SYT13: variants seen among roughly 807,000 people sequenced by gnomAD.
SYT13 encodes the protein synaptotagmin 13, also known as synaptotagmin-13.
In SYT13, 21 loss-of-function variants were observed where a neutral mutation model predicts 38.6. The observed-to-expected ratio is 0.54, with a 90% CI of 0.39 to 0.78. The LOEUF is 0.78. Among genes scored for constraint, SYT13 ranks in the 30% least tolerant of loss-of-function variants. The pLI is 0.00. For synonymous variants in SYT13, 241 were observed against 237.6 expected, an observed-to-expected ratio of 1.01 and a Z score of -0.13; for missense variants, 495 against 548.7, an observed-to-expected ratio of 0.90 and a Z score of 0.98.
At chr11:45,245,921 G>A (rs1284463486) in intron 5 of SYT13, among the ~76,000 whole-genome samples, 2 of 152,208 alleles carry the variant, frequency 1.3e-5, no homozygotes, top group African/African-American at 2.4e-5. Flanking sequence ...TGCAGTGGTG[G>A]TGAGTTCAGA....
At chr11:45,268,067 C>T (rs574473067) in intron 1 of SYT13, among the ~76,000 whole-genome samples, 13 of 152,206 alleles carry the variant, frequency 8.5e-5, no homozygotes, top group Non-Finnish European at 1.5e-4. Context: ...TGCCTCCAGC[C>T]GGTACTTGAT....
intron 1 of SYT13, among the ~76,000 whole-genome samples, chr11:45,265,572 G>A (rs977751356): frequency 6.6e-6 from 1 of 152,184 alleles, no homozygotes; most frequent in Non-Finnish European, 1.5e-5. Flanking sequence ...TGGTATCTGG[G>A]GAAAGCCCAC....
intron 1 of SYT13, among the ~76,000 whole-genome samples, chr11:45,260,640 G>A (rs1488341025): frequency 6.6e-6 from 1 of 152,196 alleles, no homozygotes; most frequent in African/African-American, 2.4e-5. Flanking sequence ...ATATCTGCAG[G>A]ATGAATGAGG....
chr11:45,284,839 G>C (rs927323059), intron 1 of SYT13, among the ~76,000 whole-genome samples: 2 of 152,220 alleles, frequency 1.3e-5, no homozygotes, highest in African/African-American at 4.8e-5. Context: ...ACATTCTGCT[G>C]TGCAGCCGGC....
Position 45,244,092 on chromosome 11 carries a change from G to T in SYT13, c.1241C>A (p.Pro414His). The change falls in exon 6 of 6, where the codon CCT becomes CAT. Residue 414 changes from proline (P) to histidine (H), a missense_variant. Pro to His is a moderately conservative substitution (Grantham distance 77). Transcript: ENST00000020926. ...GTGCCACATGGCAATCTGCCGGCGA[G>T]GGTTTTTGAGCATCTCCTCCCAGTG... The part of the protein sequence containing the change: ...RSHWEEMLKN[P>H]RRQIAMWHQL... The T allele has an allele frequency of 6.2e-7, 1 of 1,610,002 alleles. No homozygotes were observed. Among genetic ancestry groups the T allele is most frequent in the Non-Finnish European group, 8.5e-7 (1 of 1,179,036 alleles).
intron 1 of SYT13, among the ~76,000 whole-genome samples, chr11:45,267,641 C>T (rs1854901510): frequency 6.6e-6 from 1 of 152,112 alleles, no homozygotes; most frequent in Admixed American, 6.5e-5. Flanking sequence ...CTCAGCTCCC[C>T]CCGGCAACAC....
chr11:45,255,431 A>T (rs6416130), intron 2 of SYT13, among the ~76,000 whole-genome samples: 118,625 of 152,104 alleles, frequency 0.78, 47,360 homozygotes, highest in Non-Finnish European at 0.87. Context: ...ACATATGACT[A>T]GAAAGGGACT....
At chr11:45,276,712 TAA>T (rs202057732) in intron 1 of SYT13, among the ~76,000 whole-genome samples, 131 of 131,404 alleles carry the variant, frequency 1.0e-3, no homozygotes, top group African/African-American at 3.3e-3. Context: ...GATGACTTTT[TAA>T]AAAAAAAAAA....
chr11:45,277,132 A>G (rs1245725031), intron 1 of SYT13, among the ~76,000 whole-genome samples: 1 of 152,228 alleles, frequency 6.6e-6, no homozygotes, highest in Non-Finnish European at 1.5e-5. Context: ...TGCTAAGTGA[A>G]AGAAGCCAGT....
rs1311574445 is a variant in SYT13 at position 45,276,712 on chromosome 11, T to TTA, written c.183+9312_183+9313insTA. Among the ~76,000 whole-genome samples the TTA allele has an allele frequency of 4.0e-4, 52 of 131,336 alleles. 1 individual carries two copies. Among genetic ancestry groups the TTA allele is most frequent in the African/African-American group, 1.4e-3 (51 of 36,964 alleles). The allele number at this position is 131,336 out of a possible 152,430, so 86.2% of individuals were successfully genotyped here. On this transcript the variant is annotated intron_variant, in intron 1 of 5. Coordinates refer to ENST00000020926, the MANE Select transcript of SYT13 (RefSeq NM_020826.3). The stretch of plus-strand genomic sequence containing the variant: ...CTTTGCACCCAGTAGGATGACTTTT[T>TTA]AAAAAAAAAAAATAAATAAAATAAA...
chr11:45,252,303 A>G lies in SYT13; in HGVS notation c.846+118T>C. On this transcript the variant is annotated intron_variant, in intron 4 of 5. Transcript: ENST00000020926. This position sits in a 1 kb window ranked among gnomAD's most constrained non-coding sequence, Gnocchi z 4.3. The stretch of plus-strand genomic sequence containing the variant: ...AGATTCCAACCTCCCTTCCAGCCCC[A>G]AGCCAGGGAGGTCTCTGAGGCTTGT... 8.0e-7 allele frequency: 1 copy of G among 1,255,116 alleles called. No individual in the cohort carries two copies. The highest frequency in any genetic ancestry group is 1.6e-5 in the South Asian group (1 of 61,944). 77.7% of individuals were successfully genotyped at this position (1,255,116 alleles called of 1,614,324 possible).
Position 45,261,962 on chromosome 11 carries a change from A to G in SYT13, c.184-6071T>C, listed in dbSNP as rs142473261. ...AATTGCTGTATGATCCAGCAATTCCACTTCTGGGTATACACTCAAAATATT... is the reference window on the plus strand; with the variant it reads ...AATTGCTGTATGATCCAGCAATTCCGCTTCTGGGTATACACTCAAAATATT... On this transcript the variant is annotated intron_variant, in intron 1 of 5. Transcript: ENST00000020926. Among the ~76,000 whole-genome samples the G allele has an allele frequency of 2.0e-5, 3 of 152,166 alleles. No individual in the cohort carries two copies. In the East Asian group the frequency reaches 5.8e-4, roughly 29 times the overall value.
Position 45,244,235 on chromosome 11 carries a change from G to T in SYT13, c.1098C>A (p.Asp366Glu). 1 of 1,614,058 alleles carries T rather than the reference G, an allele frequency of 6.2e-7. No individual in the cohort carries two copies. Among genetic ancestry groups the T allele is most frequent in the Non-Finnish European group, 8.5e-7 (1 of 1,180,054 alleles). The change falls in exon 6 of 6, where the codon GAC becomes GAA. Residue 366 changes from aspartate to glutamate, a missense_variant. By Grantham distance (45) the Asp-to-Glu change is conservative. Coordinates refer to ENST00000020926, the MANE Select transcript of SYT13 (RefSeq NM_020826.3). ...WNEMIMFELP[D>E]DLLQASSVEL... ...CCACACTGGAGGCCTGCAGCAGGTC[G>T]TCAGGCAGCTCAAACATGATCATCT...
At chr11:45,244,422 C>T in intron 5 of SYT13, 66 bp from the exon 6 acceptor site, 2 of 1,545,222 alleles carry the variant, frequency 1.3e-6, no homozygotes, top group Non-Finnish European at 1.8e-6. Context: ...TGGGATCTGG[C>T]AGGGCCCAGG....
intron 1 of SYT13, among the ~76,000 whole-genome samples, chr11:45,279,799 A>G (rs1368651933): frequency 6.6e-6 from 1 of 152,192 alleles, no homozygotes; most frequent in East Asian, 1.9e-4. Flanking sequence ...CTGAGAATCC[A>G]TGGAGGTCAG....
intron 1 of SYT13, among the ~76,000 whole-genome samples, chr11:45,257,841 G>A (rs1207284522): frequency 1.3e-5 from 2 of 151,278 alleles, no homozygotes; most frequent in South Asian, 2.1e-4. Flanking sequence ...GACTCTCGGG[G>A]ACCTCTTGGA....
chr11:45,282,521 A>G (rs1231871603), intron 1 of SYT13, among the ~76,000 whole-genome samples: 1 of 152,204 alleles, frequency 6.6e-6, no homozygotes, highest in Non-Finnish European at 1.5e-5. Context: ...TGAAGTAGCT[A>G]TATGTTTGCT....
At position 45,243,718 on chromosome 11, in the gene SYT13, C is replaced by G. The variant is rs1307589033; in HGVS notation, c.*334G>C. 8.6e-6 allele frequency: 2 copies of G among 232,678 alleles called. No individual in the cohort carries two copies. Among genetic ancestry groups the G allele is most frequent in the Non-Finnish European group, 1.6e-5 (2 of 121,260 alleles). The allele number at this position is 232,678 out of a possible 1,614,324, so 14.4% of individuals were successfully genotyped here. A position where few individuals can be genotyped will look rare whatever the true frequency, so the allele number is the denominator to read the frequency against. On this transcript the variant is annotated 3_prime_UTR_variant, in exon 6 of 6. Coordinates refer to ENST00000020926, the MANE Select transcript of SYT13 (RefSeq NM_020826.3). Reference sequence around the variant, plus strand: ...TTGAAATGCTTGTTTTTCAAAAAGCCAAATTCTTCTTTGCATCCATGATTC... The same window carrying G: ...TTGAAATGCTTGTTTTTCAAAAAGCGAAATTCTTCTTTGCATCCATGATTC...
rs1248283552 is a variant in SYT13 at position 45,265,439 on chromosome 11, A to G, written c.184-9548T>C. 3.9e-5 allele frequency among the ~76,000 whole-genome samples: 6 copies of G among 152,242 alleles called. 1 individual carries two copies. The highest frequency in any genetic ancestry group is 3.3e-4 in the Admixed American group (5 of 15,284). On this transcript the variant is annotated intron_variant, in intron 1 of 5. Coordinates refer to ENST00000020926, the MANE Select transcript of SYT13 (RefSeq NM_020826.3). ...GGAATGCTGCTAAGCATGCCACAAC[A>G]TCAACCCCTATCTCAGTTTGGATAG...
Sources: gnomAD v4.1 joint callset for allele counts (sites outside exome capture counted in the v4.1 genomes callset) on GRCh38, gnomAD v4.1.1 for gene constraint, Gnocchi (gnomAD v3.1) non-coding constraint, MANE v1.5 for transcripts, NCBI Gene and HGNC (gene_info 2026-07-23, HGNC 2026-07-21) for gene names.